The following GRM5 variants were observed in gnomAD, a reference collection of about 807,000 sequenced individuals.
GRM5 encodes metabotropic glutamate receptor 5.
In GRM5, 19 loss-of-function variants were observed where a neutral mutation model predicts 83.1. That is an observed-to-expected ratio of 0.23 (90% CI 0.16 to 0.34). GRM5 has a LOEUF of 0.34. Ranked by LOEUF, GRM5 falls within the 10% of genes least tolerant of loss-of-function variation. The pLI, the probability that GRM5 is intolerant of heterozygous loss-of-function variation, is 1.00. For missense variants in GRM5, 1,160 were observed against 1,588.3 expected (o/e 0.73, Z 4.58); for synonymous variants, 675 against 633.6 (o/e 1.07, Z -0.98).
intron 7 of GRM5, among the ~76,000 whole-genome samples, chr11:88,568,969 G>T (rs1331950627): frequency 6.6e-6 from 1 of 152,114 alleles, no homozygotes; most frequent in Admixed American, 6.6e-5. Context: ...ATTATTCCTT[G>T]ATTATATAGC....
chr11:88,879,067 G>A (rs1369721214), intron 2 of GRM5, among the ~76,000 whole-genome samples: 1 of 151,996 alleles, frequency 6.6e-6, no homozygotes, highest in Non-Finnish European at 1.5e-5. Flanking sequence ...GGATTTTGTT[G>A]TATATAAATT....
At chr11:88,982,332 C>T (rs1939551897) in intron 2 of GRM5, among the ~76,000 whole-genome samples, 1 of 152,008 alleles carries the variant, frequency 6.6e-6, no homozygotes, top group Non-Finnish European at 1.5e-5. Flanking sequence ...CTAAAAAATA[C>T]AAATAAGTGA....
intron 7 of GRM5, among the ~76,000 whole-genome samples, chr11:88,574,424 G>T (rs1266556298): frequency 6.6e-6 from 1 of 152,058 alleles, no homozygotes; most frequent in Non-Finnish European, 1.5e-5. Context: ...AACTAGATAA[G>T]CAGCTCAAAA....
chr11:88,851,223 C>T (rs1331996419), intron 2 of GRM5, among the ~76,000 whole-genome samples: 1 of 152,028 alleles, frequency 6.6e-6, no homozygotes, highest in Non-Finnish European at 1.5e-5. Context: ...TTTTAAGGCT[C>T]TATATTTTAT....
chr11:88,705,173 G>A (rs1187728885), intron 3 of GRM5, among the ~76,000 whole-genome samples: 6 of 152,036 alleles, frequency 3.9e-5, no homozygotes, highest in African/African-American at 9.7e-5. Flanking sequence ...TGTCCAGTGT[G>A]GGGTTGGATG....
chr11:88,642,681 A>T (rs747833535), intron 4 of GRM5, among the ~76,000 whole-genome samples: 5 of 152,162 alleles, frequency 3.3e-5, no homozygotes, highest in Non-Finnish European at 7.4e-5. Flanking sequence ...TTAGCAAGAT[A>T]CTGTAAATCA....
chr11:88,651,866 C>T (rs1339552894), intron 4 of GRM5, among the ~76,000 whole-genome samples: 1 of 152,058 alleles, frequency 6.6e-6, no homozygotes, highest in African/African-American at 2.4e-5. Context: ...AAAACAATCA[C>T]AAACCACCAT....
chr11:88,756,864 G>A (rs1036818394), intron 3 of GRM5, among the ~76,000 whole-genome samples: 3 of 152,010 alleles, frequency 2.0e-5, no homozygotes, highest in Non-Finnish European at 2.9e-5. Context: ...GGATGACAGA[G>A]AATATGTGAA....
intron 3 of GRM5, among the ~76,000 whole-genome samples, chr11:88,830,112 T>C (rs1943961496): frequency 1.3e-5 from 2 of 151,292 alleles, no homozygotes; most frequent in Admixed American, 1.3e-4. Flanking sequence ...AAACAAATAA[T>C]GGAAAAATAA....
chr11:88,807,179 A>T (rs1047850051), intron 3 of GRM5, among the ~76,000 whole-genome samples: 2 of 152,170 alleles, frequency 1.3e-5, no homozygotes, highest in Non-Finnish European at 2.9e-5. Flanking sequence ...AGACAGTTTT[A>T]AAAAATGCTT....
chr11:88,719,464 G>A (rs1390455854), intron 3 of GRM5, among the ~76,000 whole-genome samples: 1 of 152,010 alleles, frequency 6.6e-6, no homozygotes, highest in Non-Finnish European at 1.5e-5. Flanking sequence ...AGTCTATCAT[G>A]ATGGGCATTT....
At chr11:88,565,274 T>C (rs570935675) in intron 8 of GRM5, among the ~76,000 whole-genome samples, 1 of 152,344 alleles carries the variant, frequency 6.6e-6, no homozygotes, top group East Asian at 1.9e-4. Flanking sequence ...GTGCCAGCCA[T>C]TACACATATT....
At chr11:88,946,829 C>T (rs1438279149) in intron 2 of GRM5, among the ~76,000 whole-genome samples, 3 of 152,032 alleles carry the variant, frequency 2.0e-5, no homozygotes, top group Non-Finnish European at 2.9e-5. Context: ...TCTGGCCTCC[C>T]TACAGGGTTC....
intron 8 of GRM5, among the ~76,000 whole-genome samples, chr11:88,536,573 A>G (rs1214119545): frequency 2.0e-5 from 3 of 152,198 alleles, no homozygotes; most frequent in Admixed American, 6.5e-5. Flanking sequence ...ACAAAGCTTT[A>G]TAACAGCTTT....
At chr11:89,029,853 G>C (rs572172252) in intron 2 of GRM5, among the ~76,000 whole-genome samples, 2 of 152,286 alleles carry the variant, frequency 1.3e-5, no homozygotes, top group African/African-American at 4.8e-5. Context: ...CTGGGTAGTA[G>C]ACACTAAGGA....
Position 88,796,899 on chromosome 11 carries a change from C to CGT in GRM5, c.911+53005_911+53006dup, listed in dbSNP as rs36203408. 9.8e-4 allele frequency among the ~76,000 whole-genome samples: 141 copies of CGT among 143,536 alleles called. 1 individual carries two copies. Among genetic ancestry groups the CGT allele is most frequent in the East Asian group, 3.2e-3 (15 of 4,746 alleles). The allele number at this position is 143,536 out of a possible 152,430, so 94.2% of individuals were successfully genotyped here. A position where few individuals can be genotyped will look rare whatever the true frequency, so the allele number is the denominator to read the frequency against. On this transcript the variant is annotated intron_variant, in intron 3 of 9. Coordinates refer to ENST00000305447, the MANE Select transcript of GRM5 (RefSeq NM_001143831.3). ...TGAAAGGAAAGTACACACACACACACGTGTGTGTGTGTGTGTGTGTGTGTG... is the reference window on the plus strand; with the variant it reads ...TGAAAGGAAAGTACACACACACACACGTGTGTGTGTGTGTGTGTGTGTGTGTG...
At chr11:88,840,950 C>G (rs931092963) in intron 3 of GRM5, among the ~76,000 whole-genome samples, 1 of 152,150 alleles carries the variant, frequency 6.6e-6, no homozygotes, top group Non-Finnish European at 1.5e-5. Flanking sequence ...AGGAAAATAG[C>G]TCTAAATGTC....
chr11:88,882,546 G>C (rs977155516), intron 2 of GRM5, among the ~76,000 whole-genome samples: 1 of 148,132 alleles, frequency 6.8e-6, no homozygotes, highest in Admixed American at 6.8e-5. Context: ...GGGCAAAAGA[G>C]CGAGACTCTG....
At chr11:88,925,257 C>G (rs959142273) in intron 2 of GRM5, among the ~76,000 whole-genome samples, 2 of 151,976 alleles carry the variant, frequency 1.3e-5, no homozygotes, top group Admixed American at 6.6e-5. Flanking sequence ...TTTTAGTGCC[C>G]AAGAAAAGAG....
Sources: allele counts gnomAD v4.1 joint callset (sites outside exome capture counted in the v4.1 genomes callset), GRCh38; gene constraint gnomAD v4.1.1; transcripts MANE v1.5; gene names NCBI Gene and HGNC (gene_info 2026-07-23, HGNC 2026-07-21).